The following SGCG variants were observed in gnomAD, a reference collection of about 807,000 sequenced individuals.
SGCG encodes the protein sarcoglycan gamma.
SGCG carries 26 observed loss-of-function variants against 29.3 expected under a neutral mutation model. That is an observed-to-expected ratio of 0.89 (90% confidence interval 0.65 to 1.23). The LOEUF (loss-of-function observed/expected upper bound fraction) is 1.23. Among genes scored for constraint, SGCG ranks in the 50% most tolerant of loss-of-function variants. SGCG has a pLI of 0.00. For synonymous variants in SGCG, 145 were observed against 129.7 expected, an observed-to-expected ratio of 1.12 and a Z score of -0.80; for missense variants, 353 against 356.0, an observed-to-expected ratio of 0.99 and a Z score of 0.07.
At chr13:23,193,924 TTAAAGTCTAGAAAGG>T (rs1335305620) in intron 1 of SGCG, among the ~76,000 whole-genome samples, 1 of 151,988 alleles carries the variant, frequency 6.6e-6, no homozygotes, top group African/African-American at 2.4e-5. Flanking sequence ...GGCCTGAGAA[TTAAAGTCTAGAAAGG>T]TAGAGGGTAA....
chr13:23,173,262 T>C, the SGCG span, among the ~76,000 whole-genome samples: 2 of 152,126 alleles, frequency 1.3e-5, no homozygotes, highest in African/African-American at 4.8e-5. Context: ...ATGCAAAAAG[T>C]GTCCTCTCTG....
In SGCG at chr13:23,263,724, A is replaced by T. The variant is rs186837407; in HGVS notation, c.385+13007A>T. Among the ~76,000 whole-genome samples the T allele has an allele frequency of 3.9e-5, 6 of 152,260 alleles. 1 individual carries two copies. In the East Asian group the frequency reaches 1.2e-3, roughly 29 times the overall value. On this transcript the variant is annotated intron_variant, in intron 4 of 7. Transcript: ENST00000218867. ...GACTGAATCCAACAGCACTCCAAGA[A>T]AATCATTCACCATGAGCAAGTTGGT... is the stretch of plus-strand genomic sequence containing the variant.
At chr13:23,317,752 A>G (rs1157816924) in intron 6 of SGCG, among the ~76,000 whole-genome samples, 1 of 152,158 alleles carries the variant, frequency 6.6e-6, no homozygotes. Flanking sequence ...TGACCTTATT[A>G]TCTTTATTTG....
At chr13:23,187,637 A>G (rs1877043516) in intron 1 of SGCG, among the ~76,000 whole-genome samples, 1 of 152,102 alleles carries the variant, frequency 6.6e-6, no homozygotes, top group African/African-American at 2.4e-5. Flanking sequence ...GAGGTGCATT[A>G]GTGGTGGGTG....
intron 4 of SGCG, among the ~76,000 whole-genome samples, chr13:23,277,920 G>C (rs1041932359): frequency 6.6e-6 from 1 of 151,800 alleles, no homozygotes; most frequent in Non-Finnish European, 1.5e-5. Flanking sequence ...GGATGGTCTC[G>C]ATCTCCTGAC....
chr13:23,203,460 TATCA>T (rs1565998104), intron 1 of SGCG, among the ~76,000 whole-genome samples: 1 of 152,242 alleles, frequency 6.6e-6, no homozygotes, highest in African/African-American at 2.4e-5. Flanking sequence ...TTCAAACGTT[TATCA>T]TATATAAAAT....
intron 2 of SGCG, among the ~76,000 whole-genome samples, chr13:23,224,474 A>C (rs1878814380): frequency 6.6e-6 from 1 of 152,188 alleles, no homozygotes; most frequent in Admixed American, 6.5e-5. Flanking sequence ...GACACGCATA[A>C]TACAGAGAGG....
intron 6 of SGCG, among the ~76,000 whole-genome samples, chr13:23,318,010 G>A (rs967563343): frequency 1.3e-5 from 2 of 152,156 alleles, no homozygotes; most frequent in African/African-American, 4.8e-5. Flanking sequence ...AATGTGAAAA[G>A]GCTCCCAGCC....
chr13:23,282,922 T>G (rs972212215), intron 5 of SGCG, among the ~76,000 whole-genome samples: 1 of 152,206 alleles, frequency 6.6e-6, no homozygotes, highest in Admixed American at 6.5e-5. Flanking sequence ...TGTAGTTGTG[T>G]GCTTTTGAGT....
chr13:23,172,152 C>T, the SGCG span, among the ~76,000 whole-genome samples: 7 of 152,266 alleles, frequency 4.6e-5, no homozygotes, highest in African/African-American at 1.2e-4. Flanking sequence ...TGCGATATTG[C>T]GTGATTTCAT....
At chr13:23,207,123 T>C (rs560210445) in intron 2 of SGCG, among the ~76,000 whole-genome samples, 1 of 152,184 alleles carries the variant, frequency 6.6e-6, no homozygotes, top group Non-Finnish European at 1.5e-5. Flanking sequence ...GAAAGGCATA[T>C]AGACCACTGG....
At position 23,241,815 on chromosome 13, in the gene SGCG, T is replaced by C. The variant is rs539617419; in HGVS notation, c.297+7103T>C. On this transcript the variant is annotated intron_variant, in intron 3 of 7. Coordinates refer to ENST00000218867, the MANE Select transcript of SGCG (RefSeq NM_000231.3). ...CAATAAACACCATACATCACATCAA[T>C]AGAATGAAGGACAAAAACCATTTGG... Among the ~76,000 whole-genome samples the C allele has an allele frequency of 8.5e-5, 13 of 152,122 alleles. 1 individual carries two copies. The South Asian group carries it at 2.3e-3, about 27-fold the overall frequency.
chr13:23,317,002 T>C lies in SGCG; in HGVS notation c.579-3635T>C, dbSNP rs148392629. On this transcript the variant is annotated intron_variant, in intron 6 of 7. Coordinates refer to ENST00000218867, the MANE Select transcript of SGCG (RefSeq NM_000231.3). ...TGGGCAGATCATGAGGTCAGGAGAT[T>C]GAGACCATCCTGGCTAACACAGTGA... Among the ~76,000 whole-genome samples the C allele has an allele frequency of 6.8e-3, 1,031 of 152,162 alleles. 12 individuals carry two copies. The highest frequency in any genetic ancestry group is 0.023 in the African/African-American group (975 of 41,506).
At chr13:23,310,474 T>A (rs1882552690) in intron 6 of SGCG, among the ~76,000 whole-genome samples, 1 of 152,204 alleles carries the variant, frequency 6.6e-6, no homozygotes, top group African/African-American at 2.4e-5. Context: ...CCTACTTTCT[T>A]TTGCACTGAT....
In SGCG at chr13:23,201,260, G is replaced by A. The variant is rs193191484; in HGVS notation, c.1-2435G>A. 3.3e-3 allele frequency among the ~76,000 whole-genome samples: 501 copies of A among 152,270 alleles called. 2 individuals are homozygous for A. The highest frequency in any genetic ancestry group is 0.011 in the African/African-American group (472 of 41,554). ...TTAAATGGATACTGAAGTTTTCTCA[G>A]TGTTATGTAAGGGTGAACAAAAGCA... On this transcript the variant is annotated intron_variant, in intron 1 of 7. Coordinates refer to ENST00000218867, the MANE Select transcript of SGCG (RefSeq NM_000231.3).
chr13:23,275,262 C>G (rs554192801), intron 4 of SGCG, among the ~76,000 whole-genome samples: 12 of 151,834 alleles, frequency 7.9e-5, no homozygotes, highest in South Asian at 2.1e-4. Flanking sequence ...TGCCTGTAAT[C>G]CCAGCACTTT....
chr13:23,296,692 T>C (rs1355336838), intron 6 of SGCG, among the ~76,000 whole-genome samples: 1 of 152,208 alleles, frequency 6.6e-6, no homozygotes, highest in Non-Finnish European at 1.5e-5. Flanking sequence ...TTTTTCCTTT[T>C]GTGCCTAGTT....
At chr13:23,176,303 T>G (rs1198147605), upstream of SGCG, among the ~76,000 whole-genome samples, 2 of 152,140 alleles carry the variant, frequency 1.3e-5, no homozygotes, top group African/African-American at 4.8e-5. Context: ...ACAAAGAGTT[T>G]ATGGTCTGGT....
intron 4 of SGCG, among the ~76,000 whole-genome samples, chr13:23,259,801 A>G (rs1880354904): frequency 6.6e-6 from 1 of 152,132 alleles, no homozygotes; most frequent in South Asian, 2.1e-4. Context: ...TTCATTATTT[A>G]CCCAGTAGTC....
Sources: allele counts gnomAD v4.1 joint callset (sites outside exome capture counted in the v4.1 genomes callset), GRCh38; gene constraint gnomAD v4.1.1; transcripts MANE v1.5; gene names NCBI Gene and HGNC (gene_info 2026-07-23, HGNC 2026-07-21).